The following PRMT8 variants were observed in gnomAD, a reference collection of about 807,000 sequenced individuals.
PRMT8 encodes the protein protein arginine methyltransferase 8.
In PRMT8, 7 loss-of-function variants were observed where a neutral mutation model predicts 47.1. That is an observed-to-expected ratio of 0.15 (90% confidence interval 0.08 to 0.28). The LOEUF (loss-of-function observed/expected upper bound fraction) is 0.28. PRMT8 is among the 10% of genes least tolerant of loss of function. PRMT8 has a pLI of 1.00. For missense variants in PRMT8, 237 were observed against 505.4 expected, an observed-to-expected ratio of 0.47 and a Z score of 5.09; for synonymous variants, 188 against 186.5, an observed-to-expected ratio of 1.01 and a Z score of -0.07.
intron 1 of PRMT8, among the ~76,000 whole-genome samples, chr12:3,427,786 G>GAATTTACCATAT (rs1423517393): frequency 6.6e-6 from 1 of 151,776 alleles, no homozygotes. Context: ...TTCAGGACAA[G>GAATTTACCATAT]AATTTACCAT....
intron 1 of PRMT8, among the ~76,000 whole-genome samples, chr12:3,404,028 A>C (rs1024106652): frequency 6.6e-6 from 1 of 152,136 alleles, no homozygotes; most frequent in Non-Finnish European, 1.5e-5. Context: ...AATCAAACAA[A>C]CATCCATACG....
At chr12:3,513,464 C>A (rs1180299070) in intron 1 of PRMT8, among the ~76,000 whole-genome samples, 2 of 152,166 alleles carry the variant, frequency 1.3e-5, no homozygotes, top group Non-Finnish European at 2.9e-5. Context: ...GTCCCTTAGA[C>A]CCTTTGAGCC....
At position 3,435,575 on chromosome 12, in the gene PRMT8, G is replaced by A. The variant is rs1026173959; in HGVS notation, c.48+54133G>A. ...CTCCCTTTGTCACCCAGGCTGGAGT[G>A]CAGTGGCGCAGTGTTGGCTCACTGC... On this transcript the variant is annotated intron_variant, in intron 1 of 9. Coordinates refer to the PRMT8 transcript ENST00000452611. Among the ~76,000 whole-genome samples, 12 of 146,850 alleles carry A rather than the reference G, an allele frequency of 8.2e-5. No homozygotes were observed. The East Asian group carries it at 1.8e-3, about 22-fold the overall frequency.
chr12:3,467,162 C>A lies in PRMT8; in HGVS notation c.49-73444C>A, dbSNP rs367977630. On this transcript the variant is annotated intron_variant, in intron 1 of 9. Transcript: ENST00000452611. The stretch of plus-strand genomic sequence containing the variant: ...GGCTGAGGCAGGAGAATGGCATGAA[C>A]CTGGGAGGCGGAGCTTGCAGTGAGC... Among the ~76,000 whole-genome samples, 824 of 144,142 alleles carry A rather than the reference C, an allele frequency of 5.7e-3. 53 individuals are homozygous for A. The East Asian group carries it at 0.15, about 26-fold the overall frequency. The allele number at this position is 144,142 out of a possible 152,430, so 94.6% of individuals were successfully genotyped here.
rs1043958232 is a variant in PRMT8, at chr12:3,451,399, G to A, written c.48+69957G>A. 4.6e-5 allele frequency among the ~76,000 whole-genome samples: 7 copies of A among 152,240 alleles called. No individual in the cohort carries two copies. The South Asian group carries it at 1.5e-3, about 32-fold the overall frequency. ...GATTCCCAGTGCAGTGCTCTACCAC[G>A]TCCTGCTGTTTGCAAGCACTCTGTA... On this transcript the variant is annotated intron_variant, in intron 1 of 9. Transcript: ENST00000452611.
intron 1 of PRMT8, among the ~76,000 whole-genome samples, chr12:3,390,230 C>T (rs1864180746): frequency 6.6e-6 from 1 of 152,222 alleles, no homozygotes; most frequent in South Asian, 2.1e-4. Context: ...TAAACTAAGC[C>T]TGAATCTTAT....
In PRMT8 at chr12:3,423,113, C is replaced by T. The variant is rs1218251586; in HGVS notation, c.48+41671C>T. 3.9e-5 allele frequency among the ~76,000 whole-genome samples: 6 copies of T among 152,280 alleles called. No individual in the cohort carries two copies. In the South Asian group the frequency reaches 1.0e-3, roughly 26 times the overall value. On this transcript the variant is annotated intron_variant, in intron 1 of 9. Transcript: ENST00000452611. ...TGGGAACCATTTTTCAAACATGGCC[C>T]CAGGATCAAATCCATGCCACACTTG...
At chr12:3,532,113 CT>C (rs986837775) in intron 1 of PRMT8, among the ~76,000 whole-genome samples, 4 of 152,080 alleles carry the variant, frequency 2.6e-5, no homozygotes, top group Non-Finnish European at 4.4e-5. Flanking sequence ...AACAGAAACA[CT>C]GTTTGAAGTC....
intron 1 of PRMT8, among the ~76,000 whole-genome samples, chr12:3,452,306 A>G (rs1864926446): frequency 7.8e-6 from 1 of 127,986 alleles, no homozygotes; most frequent in African/African-American, 3.0e-5. Context: ...GTGCCCCTGA[A>G]CCTAAATTAA....
rs150412123 is a variant in PRMT8, at chr12:3,451,774, CTCTGGAACATTT to C, written c.48+70335_48+70346del. ...ACATGTTGATTCACTTAAAGGAAAC[CTCTGGAACATTT>C]TCCATGGGAACTGCCTTAACTGGAG... On this transcript the variant is annotated intron_variant, in intron 1 of 9. Transcript: ENST00000452611. 5.6e-3 allele frequency among the ~76,000 whole-genome samples: 854 copies of C among 152,282 alleles called. 5 individuals carry two copies. The highest frequency in any genetic ancestry group is 0.018 in the African/African-American group (765 of 41,542).
chr12:3,491,889 T>TGTGTGTGTGTGTG (rs1565421679), intron 1 of PRMT8, among the ~76,000 whole-genome samples, 189 bp downstream of exon 1: 1 of 32,896 alleles, frequency 3.0e-5, no homozygotes, highest in Non-Finnish European at 5.7e-5. Flanking sequence ...TGTGTGTGTG[T>TGTGTGTGTGTGTG]TGGTGGGGGG....
intron 1 of PRMT8, among the ~76,000 whole-genome samples, chr12:3,470,508 T>G (rs918513985): frequency 2.0e-5 from 3 of 152,136 alleles, no homozygotes; most frequent in African/African-American, 7.2e-5. Context: ...GTGGGAGGTC[T>G]GTGAGCTCCG....
At position 3,564,282 on chromosome 12, in the gene PRMT8, T is replaced by C. The variant is rs765365607; in HGVS notation, c.482-4424T>C. Among the ~76,000 whole-genome samples the C allele has an allele frequency of 6.6e-6, 1 of 152,164 alleles. No individual in the cohort carries two copies. The highest frequency in any genetic ancestry group is 1.5e-5 in the Non-Finnish European group (1 of 68,024). On this transcript the variant is annotated intron_variant, in intron 4 of 9. Coordinates refer to ENST00000382622, the MANE Select transcript of PRMT8 (RefSeq NM_019854.5). The surrounding 1 kb of genome is among the most constrained non-coding windows in gnomAD (Gnocchi z 4.0). ...GCCTCCTCTTGTGTGGCACAGGACCTGCTCTCTGAAAGAGTGAGGACCTAA... is the reference window on the plus strand; with the variant it reads ...GCCTCCTCTTGTGTGGCACAGGACCCGCTCTCTGAAAGAGTGAGGACCTAA...
intron 9 of PRMT8, 34 bp downstream of exon 9, chr12:3,592,386 A>G: frequency 6.3e-7 from 1 of 1,589,860 alleles, no homozygotes; most frequent in Non-Finnish European, 8.5e-7. Flanking sequence ...CATAAGGGAG[A>G]AGGGCCCCAC....
At chr12:3,529,077 T>C (rs1314185641) in intron 1 of PRMT8, among the ~76,000 whole-genome samples, 1 of 152,224 alleles carries the variant, frequency 6.6e-6, no homozygotes, top group Admixed American at 6.5e-5. Flanking sequence ...GCTGAAGGCT[T>C]GCAGGGAACT....
rs59925846 is a variant in PRMT8 at position 3,426,472 on chromosome 12, C to T, written c.48+45030C>T. Among the ~76,000 whole-genome samples the T allele has an allele frequency of 4.2e-3, 640 of 152,250 alleles. 2 individuals are homozygous for T. Among genetic ancestry groups the T allele is most frequent in the African/African-American group, 0.014 (599 of 41,554 alleles). On this transcript the variant is annotated intron_variant, in intron 1 of 9. Transcript: ENST00000452611. ...TGGGGGCAAGACTACTGGTTGATAT[C>T]GAGGTCTTTATTGAAATCTCCCTGG...
chr12:3,442,301 G>A (rs370150866), intron 1 of PRMT8, among the ~76,000 whole-genome samples: 4,304 of 151,428 alleles, frequency 0.028, 85 homozygotes, highest in Middle Eastern at 0.034. Context: ...CTTTTGAACC[G>A]AAAAAACAGA....
At position 3,543,585 on chromosome 12, in the gene PRMT8, G is replaced by A. The variant is rs1044007419; in HGVS notation, c.261+2794G>A. On this transcript the variant is annotated intron_variant, in intron 2 of 9. Coordinates refer to ENST00000382622, the MANE Select transcript of PRMT8 (RefSeq NM_019854.5). Reference sequence around the variant, plus strand: ...AGTGAGTGTTGAGGAAACGTGGTGCGGATAGACTGGGTTTGATTGATCTGT... The same window carrying A: ...AGTGAGTGTTGAGGAAACGTGGTGCAGATAGACTGGGTTTGATTGATCTGT... Among the ~76,000 whole-genome samples the A allele has an allele frequency of 3.3e-5, 5 of 152,252 alleles. No homozygotes were observed. The East Asian group carries it at 5.8e-4, about 18-fold the overall frequency.
chr12:3,592,250 C>T lies in PRMT8; in HGVS notation c.999C>T (p.Thr333=). 1.9e-6 allele frequency: 3 copies of T among 1,589,510 alleles called. No individual in the cohort carries two copies. The highest frequency in any genetic ancestry group is 1.4e-5 in the African/African-American group (1 of 73,514). The change falls in exon 9 of 10, where the codon ACC becomes ACT. Residue 333 remains threonine (T), a synonymous_variant. Transcript: ENST00000382622. ...GFSTAPDAPY[T]HWKQTVFYLE... ...CCTCAGCCCCTGATGCTCCCTACACCCACTGGAAGCAGACCGTCTTCTACT... is the reference window on the plus strand; with the variant it reads ...CCTCAGCCCCTGATGCTCCCTACACTCACTGGAAGCAGACCGTCTTCTACT...
Sources: gnomAD v4.1 joint callset for allele counts (sites outside exome capture counted in the v4.1 genomes callset) on GRCh38, gnomAD v4.1.1 for gene constraint, Gnocchi (gnomAD v3.1) non-coding constraint, MANE v1.5 for transcripts, NCBI Gene and HGNC (gene_info 2026-07-23, HGNC 2026-07-21) for gene names.